MICAL3: variants seen among roughly 807,000 people sequenced by gnomAD.
MICAL3 encodes [F-actin]-monooxygenase MICAL3.
MICAL3 carries 62 observed loss-of-function variants against 207.4 expected under a neutral mutation model. That is an observed-to-expected ratio of 0.30 (90% CI 0.24 to 0.37). The LOEUF (loss-of-function observed/expected upper bound fraction) is 0.37, where lower values mean the gene tolerates loss of function less well. Among genes scored for constraint, MICAL3 ranks in the 10% least tolerant of loss-of-function variants. The pLI, the probability that MICAL3 is intolerant of heterozygous loss-of-function variation, is 1.00. For synonymous variants in MICAL3, 1,077 were observed against 1,069.3 expected (o/e 1.01, Z -0.14); for missense variants, 2,368 against 2,635.6 (o/e 0.90, Z 2.22).
chr22:17,950,264 C>A lies in MICAL3; in HGVS notation c.-74-43378G>T, dbSNP rs555147135. The stretch of plus-strand genomic sequence containing the variant: ...GCAACCTCCACCTCCTAGGTTCAGG[C>A]GATTCTTGTACCTTGGCCTCTCAAG... On this transcript the variant is annotated intron_variant, in intron 1 of 31. Coordinates refer to ENST00000441493, the MANE Select transcript of MICAL3 (RefSeq NM_015241.3). Among the ~76,000 whole-genome samples the A allele has an allele frequency of 2.7e-5, 4 of 150,148 alleles. No homozygotes were observed. The South Asian group carries it at 8.4e-4, about 32-fold the overall frequency.
At chr22:17,825,196 G>C (rs1437653759) in intron 22 of MICAL3, among the ~76,000 whole-genome samples, 2 of 152,216 alleles carry the variant, frequency 1.3e-5, no homozygotes. Context: ...GCCTGTGGTA[G>C]AGTCAGGCGG....
intron 1 of MICAL3, among the ~76,000 whole-genome samples, chr22:17,949,629 A>G (rs549727153): frequency 6.6e-6 from 1 of 152,292 alleles, no homozygotes; most frequent in South Asian, 2.1e-4. Flanking sequence ...GCAATTCCCT[A>G]TATGATCCGA....
At position 17,793,227 on chromosome 22, in the gene MICAL3, A is replaced by G. The variant is rs2061843132; in HGVS notation, c.5651-1926T>C. Among the ~76,000 whole-genome samples the G allele has an allele frequency of 6.6e-6, 1 of 152,098 alleles. No homozygotes were observed. The highest frequency in any genetic ancestry group is 2.1e-4 in the South Asian group (1 of 4,828). Reference sequence around the variant, plus strand: ...GCCTTTCAACGACAATCTTATCACCACAACAGACTTCAAATCAGACAAACT... The same window carrying G: ...GCCTTTCAACGACAATCTTATCACCGCAACAGACTTCAAATCAGACAAACT... On this transcript the variant is annotated intron_variant, in intron 29 of 31. Transcript: ENST00000441493. This position sits in a 1 kb window ranked among gnomAD's most constrained non-coding sequence, Gnocchi z 4.1.
intron 1 of MICAL3, among the ~76,000 whole-genome samples, chr22:17,986,400 G>A (rs1191469795): frequency 1.3e-5 from 2 of 152,152 alleles, no homozygotes; most frequent in African/African-American, 2.4e-5. Flanking sequence ...CACGCCTGTA[G>A]TCCCAGCTAC....
At chr22:17,894,796 CA>C (rs549154429) in intron 10 of MICAL3, among the ~76,000 whole-genome samples, 3,531 of 78,274 alleles carry the variant, frequency 0.045, 89 homozygotes, top group African/African-American at 0.12. Flanking sequence ...GATTCCATCT[CA>C]AAAAAAAAAA....
rs766648680 is a variant in MICAL3 at position 17,889,219 on chromosome 22, G to C, written c.1706C>G (p.Ser569Cys). Residue 569 changes from serine to cysteine, a missense_variant, in exon 13 of 32, where the codon TCT becomes TGT. Coordinates refer to ENST00000441493, the MANE Select transcript of MICAL3 (RefSeq NM_015241.3). ...CTTCTCCACATTTTGCTCATCCAAA[G>C]AATCAAAATCTCTGAGAAACAGGAC... ...RYRPDLIDFD[S>C]LDEQNVEKNN... 4 of 1,610,924 alleles carry C rather than the reference G, an allele frequency of 2.5e-6. No homozygotes were observed. The highest frequency in any genetic ancestry group is 2.2e-5 in the South Asian group (2 of 90,948).
At chr22:17,989,298 T>C (rs1350675541) in intron 1 of MICAL3, among the ~76,000 whole-genome samples, 1 of 152,162 alleles carries the variant, frequency 6.6e-6, no homozygotes, top group African/African-American at 2.4e-5. Flanking sequence ...GGCAAGGCTC[T>C]GGGAATGCTC....
Position 17,819,127 on chromosome 22 carries a change from C to A in MICAL3, c.3534G>T (p.Gly1178=), listed in dbSNP as rs372839851. ...FIPVHSPSTE[G]PQLPPVPAAT... ...CGGCAGGGACAGGTGGGAGTTGGGGCCCCTACAGGGAAGGAAGACAGAAGC... is the reference window on the plus strand; with the variant it reads ...CGGCAGGGACAGGTGGGAGTTGGGGACCCTACAGGGAAGGAAGACAGAAGC... Residue 1178 remains glycine (G), a splice_region_variant and synonymous_variant, in exon 26 of 32, where the codon GGG becomes GGT. Coordinates refer to ENST00000441493, the MANE Select transcript of MICAL3 (RefSeq NM_015241.3). 1 of 1,478,460 alleles carries A rather than the reference C, an allele frequency of 6.8e-7. No individual in the cohort carries two copies. The highest frequency in any genetic ancestry group is 1.4e-5 in the African/African-American group (1 of 71,068). The allele number at this position is 1,478,460 out of a possible 1,614,324, so 91.6% of individuals were successfully genotyped here.
rs922605791 is a variant in MICAL3 at position 17,817,190 on chromosome 22, C to T, written c.5350+121G>A. The T allele has an allele frequency of 3.2e-6, 4 of 1,257,394 alleles. No individual in the cohort carries two copies. In the African/African-American group the frequency reaches 4.5e-5, roughly 14 times the overall value. 77.9% of individuals were successfully genotyped at this position (1,257,394 alleles called of 1,614,324 possible). A position where few individuals can be genotyped will look rare whatever the true frequency, so the allele number is the denominator to read the frequency against. On this transcript the variant is annotated intron_variant, in intron 26 of 31. Transcript: ENST00000441493. ...TGGTTCAGTCCCTTCTCCAGGTCAG[C>T]ACGGCTCCTGAGAACCCTCGGCGGG...
intron 1 of MICAL3, among the ~76,000 whole-genome samples, chr22:17,952,802 G>A (rs1819779364): frequency 6.6e-6 from 1 of 152,326 alleles, no homozygotes. Flanking sequence ...AGAACACTGG[G>A]ACTTGGAGCC....
intron 1 of MICAL3, among the ~76,000 whole-genome samples, chr22:17,956,860 T>A (rs1258847017): frequency 6.6e-6 from 1 of 152,180 alleles, no homozygotes; most frequent in Non-Finnish European, 1.5e-5. Flanking sequence ...TCCTTCTTAG[T>A]AACAGTACCC....
At chr22:17,982,861 C>T (rs918785297) in intron 1 of MICAL3, among the ~76,000 whole-genome samples, 10 of 152,142 alleles carry the variant, frequency 6.6e-5, no homozygotes, top group Admixed American at 1.3e-4. Context: ...AGCAGGGAAG[C>T]GCATTTTAAA....
In MICAL3 at chr22:17,838,731, T is replaced by C. The variant is rs562072529; in HGVS notation, c.2801+3091A>G. On this transcript the variant is annotated intron_variant, in intron 20 of 31. Transcript: ENST00000441493. ...CAAAGTTAAGAGTTCACTGAACTTG[T>C]GAAATGAGAGTTCCTTGGCTGGAAC... Among the ~76,000 whole-genome samples, 6 of 152,294 alleles carry C rather than the reference T, an allele frequency of 3.9e-5. No homozygotes were observed. In the South Asian group the frequency reaches 6.2e-4, roughly 16 times the overall value.
intron 17 of MICAL3, among the ~76,000 whole-genome samples, chr22:17,867,127 C>T (rs1031239141): frequency 1.3e-5 from 2 of 152,154 alleles, no homozygotes; most frequent in Non-Finnish European, 1.5e-5. Flanking sequence ...TCTTCTTTTC[C>T]TTCAGAGAAA....
chr22:17,851,519 T>G (rs1271050715), intron 19 of MICAL3, among the ~76,000 whole-genome samples: 1 of 152,212 alleles, frequency 6.6e-6, no homozygotes, highest in East Asian at 1.9e-4. Flanking sequence ...ATAAAGTGTT[T>G]TGAATAAATG....
At chr22:17,968,489 G>C (rs1198326941) in intron 1 of MICAL3, among the ~76,000 whole-genome samples, 1 of 152,176 alleles carries the variant, frequency 6.6e-6, no homozygotes, top group Non-Finnish European at 1.5e-5. Flanking sequence ...GCTCGGGCAA[G>C]CTTCCTCAGG....
chr22:17,830,531 G>A (rs747144510), intron 21 of MICAL3, among the ~76,000 whole-genome samples: 14 of 152,230 alleles, frequency 9.2e-5, no homozygotes, highest in Non-Finnish European at 1.9e-4. Context: ...TGGAGATGAC[G>A]ATGTCTGGAA....
chr22:17,909,679 A>G (rs1248923768), intron 1 of MICAL3, among the ~76,000 whole-genome samples: 4 of 152,256 alleles, frequency 2.6e-5, no homozygotes, highest in Non-Finnish European at 5.9e-5. Flanking sequence ...AGCAAGAGAA[A>G]TACTTTACAG....
chr22:17,818,721 C>G lies in MICAL3; in HGVS notation c.3940G>C (p.Val1314Leu), dbSNP rs773653437. 6.2e-7 allele frequency: 1 copy of G among 1,612,238 alleles called. No individual in the cohort carries two copies. Among genetic ancestry groups the G allele is most frequent in the Non-Finnish European group, 8.5e-7 (1 of 1,178,942 alleles). ...TKDRLGSPLA[V>L]DEALRRSDLV... ...TCGCTCCGTCTGAGGGCCTCATCCA[C>G]AGCAAGGGGGCTGCCCAGTCTGTCC... Residue 1314 changes from valine to leucine, a missense_variant, in exon 26 of 32, where the codon GTG becomes CTG. Val to Leu is a conservative substitution (Grantham distance 32). This residue lies in a region of MICAL3 where 1,770 missense variants were observed against 1,863.2 expected (regional missense o/e 0.95). Coordinates refer to ENST00000441493, the MANE Select transcript of MICAL3 (RefSeq NM_015241.3).
Sources: gnomAD v4.1 joint callset for allele counts (sites outside exome capture counted in the v4.1 genomes callset) on GRCh38, gnomAD v4.1.1 for gene constraint, gnomAD v4.1.1 regional missense constraint, Gnocchi (gnomAD v3.1) non-coding constraint, MANE v1.5 for transcripts, NCBI Gene and HGNC (gene_info 2026-07-23, HGNC 2026-07-21) for gene names.